SURF2: variants seen among roughly 807,000 people sequenced by gnomAD.
SURF2 encodes the protein surfeit locus protein 2.
SURF2 carries 32 observed loss-of-function variants against 26.2 expected under a neutral mutation model. The ratio of observed to expected loss-of-function variants is 1.22; its 90% CI spans 0.92 to 1.64. The LOEUF is 1.64. Among genes scored for constraint, SURF2 ranks in the 40% most tolerant of loss-of-function variants. The pLI, the probability that SURF2 is intolerant of heterozygous loss-of-function variation, is 0.00. For missense variants in SURF2, 415 were observed against 341.6 expected (o/e 1.21, Z -1.69); for synonymous variants, 173 against 139.1 (o/e 1.24, Z -1.71).
Position 133,357,792 on chromosome 9 carries a change from G to T in SURF2, c.315G>T (p.Arg105=), listed in dbSNP as rs2130036712. ...EHVLRHTQGR[R]YQRALCKYEE... ...TGCTGAGGCACACCCAGGGCCGGCG[G>T]TACCAGCGAGCTCTGTGTAAATGTA... The change falls in exon 3 of 6, where the codon CGG becomes CGT. Residue 105 remains arginine, a synonymous_variant. Coordinates refer to ENST00000371964, the MANE Select transcript of SURF2 (RefSeq NM_017503.5). The T allele has an allele frequency of 1.9e-6, 3 of 1,613,630 alleles. No individual in the cohort carries two copies. The highest frequency in any genetic ancestry group is 1.7e-6 in the Non-Finnish European group (2 of 1,180,022).
chr9:133,360,524 C>T (rs2130052775), intron 5 of SURF2, 90 bp downstream of exon 5: 36 of 1,398,396 alleles, frequency 2.6e-5, no homozygotes, highest in Non-Finnish European at 3.3e-5. Context: ...GAACCTTTTT[C>T]ACAAGTGAAA....
At chr9:133,358,481 G>A (rs898647561) in intron 3 of SURF2, among the ~76,000 whole-genome samples, 1 of 152,166 alleles carries the variant, frequency 6.6e-6, no homozygotes, top group African/African-American at 2.4e-5. Flanking sequence ...GTGTATTAGG[G>A]AAGTATCGGG....
At position 133,359,966 on chromosome 9, in the gene SURF2, G is replaced by A. The variant is rs2130045448; in HGVS notation, c.354G>A (p.Lys118=). The A allele has an allele frequency of 6.2e-7, 1 of 1,611,500 alleles. No individual in the cohort carries two copies. The change falls in exon 4 of 6, where the codon AAG becomes AAA. Residue 118 remains lysine, a synonymous_variant. Coordinates refer to ENST00000371964, the MANE Select transcript of SURF2 (RefSeq NM_017503.5). ...RALCKYEECQ[K]QGVEYVPACL... is the part of the protein sequence containing the mutation. ...ATCTCCCAGATGAAGAATGTCAGAA[G>A]CAAGGGGTGGAGTACGTGCCTGCCT... is the stretch of plus-strand genomic sequence containing the variant.
chr9:133,357,090 G>A, intron 2 of SURF2, 22 bp downstream of exon 2: 1 of 1,541,412 alleles, frequency 6.5e-7, no homozygotes, highest in Non-Finnish European at 8.8e-7. Context: ...GCGGCGGCGC[G>A]GGGAGGCCCA....
intron 5 of SURF2, 44 bp downstream of exon 5, chr9:133,360,478 A>G: frequency 6.6e-7 from 1 of 1,518,230 alleles, no homozygotes; most frequent in African/African-American, 1.4e-5. Context: ...GGCTTCCCCT[A>G]GTGATGGTTT....
chr9:133,360,476 CT>C, intron 5 of SURF2, 42 bp downstream of exon 5: 1 of 1,523,738 alleles, frequency 6.6e-7, no homozygotes, highest in African/African-American at 1.4e-5. Context: ...GTGGCTTCCC[CT>C]AGTGATGGTT....
At chr9:133,359,291 C>A (rs1015245097) in intron 3 of SURF2, among the ~76,000 whole-genome samples, 1 of 152,170 alleles carries the variant, frequency 6.6e-6, no homozygotes, top group African/African-American at 2.4e-5. Context: ...AGGGAAACAG[C>A]CCTGGAGATG....
chr9:133,356,557 C>T lies in SURF2; in HGVS notation c.-36C>T. 4.0e-6 allele frequency: 6 copies of T among 1,502,456 alleles called. No individual in the cohort carries two copies. The highest frequency in any genetic ancestry group is 1.2e-5 in the South Asian group (1 of 80,964). The allele number at this position is 1,502,456 out of a possible 1,614,324, so 93.1% of individuals were successfully genotyped here. ...CGCCCCCGGCTCCAGGTTCTGCGAG[C>T]GGCTTCCGCCGGGCTGCTCCGCGGG... is the stretch of plus-strand genomic sequence containing the variant. On this transcript the variant is annotated 5_prime_UTR_variant, in exon 1 of 6. Coordinates refer to ENST00000371964, the MANE Select transcript of SURF2 (RefSeq NM_017503.5).
At position 133,360,108 on chromosome 9, in the gene SURF2, A is replaced by G. The variant is rs2130047841; in HGVS notation, c.496A>G (p.Ser166Gly). 2 of 1,612,166 alleles carry G rather than the reference A, an allele frequency of 1.2e-6. No homozygotes were observed. The highest frequency in any genetic ancestry group is 1.7e-5 in the Admixed American group (1 of 59,938). Residue 166 changes from serine to glycine, a missense_variant, in exon 4 of 6, where the codon AGC becomes GGC. Ser to Gly is a moderately conservative substitution (Grantham distance 56, BLOSUM62 0). Transcript: ENST00000371964. ...SDEGGAASDD[S>G]MTDLYPPELF... is the part of the protein sequence containing the mutation. ...TGAGGGGGGAGCTGCAAGTGATGAC[A>G]GCATGACAGACCTGTACCCACGTAA...
rs2130047481 is a variant in SURF2 at position 133,360,083 on chromosome 9, T to C, written c.471T>C (p.Asp157=). The C allele has an allele frequency of 1.9e-5, 30 of 1,613,732 alleles. No individual in the cohort carries two copies. The highest frequency in any genetic ancestry group is 2.1e-5 in the Non-Finnish European group (25 of 1,179,814). The part of the protein sequence containing the change: ...REAFWEPTSS[D]EGGAASDDSM... Reference sequence around the variant, plus strand: ...CCTTCTGGGAGCCCACATCCAGTGATGAGGGGGGAGCTGCAAGTGATGACA... The same window carrying C: ...CCTTCTGGGAGCCCACATCCAGTGACGAGGGGGGAGCTGCAAGTGATGACA... The change falls in exon 4 of 6, where the codon GAT becomes GAC. Residue 157 remains aspartate, a synonymous_variant. Transcript: ENST00000371964.
rs1836717999 is a variant in SURF2, at chr9:133,360,065, G to A, written c.453G>A (p.Trp151Ter). Reference sequence around the variant, plus strand: ...GGCCTCGCCCGCGGGAAGCCTTCTGGGAGCCCACATCCAGTGATGAGGGGG... The same window carrying A: ...GGCCTCGCCCGCGGGAAGCCTTCTGAGAGCCCACATCCAGTGATGAGGGGG... ...GDGPRPREAF[W>*]EPTSSDEGGA... The change falls in exon 4 of 6, where the codon TGG becomes TGA. Residue 151 changes from tryptophan to a stop codon, truncating the protein, a stop_gained. Transcript: ENST00000371964. LOFTEE classifies it high-confidence loss of function. 6.2e-7 allele frequency: 1 copy of A among 1,613,940 alleles called. No homozygotes were observed. The highest frequency in any genetic ancestry group is 8.5e-7 in the Non-Finnish European group (1 of 1,179,970).
At position 133,360,085 on chromosome 9, in the gene SURF2, A is replaced by AG. The variant is rs2130047568; in HGVS notation, c.479dup (p.Ala161SerfsTer4). ...TTCTGGGAGCCCACATCCAGTGATG[A>AG]GGGGGGAGCTGCAAGTGATGACAGC... On this transcript the variant is annotated frameshift_variant, in exon 4 of 6. Coordinates refer to ENST00000371964, the MANE Select transcript of SURF2 (RefSeq NM_017503.5). LOFTEE classifies it high-confidence loss of function. 13 of 1,613,614 alleles carry AG rather than the reference A, an allele frequency of 8.1e-6. No homozygotes were observed. Among genetic ancestry groups the AG allele is most frequent in the South Asian group, 4.4e-5 (4 of 91,026 alleles).
Position 133,360,404 on chromosome 9 carries a change from G to A in SURF2, c.657G>A (p.Val219=), listed in dbSNP as rs1336057008. ...ATGAGGGCAGGAGAGAGACGACCGTGTACCGAGGGCTGGTCCAGAAGCGCG... is the reference window on the plus strand; with the variant it reads ...ATGAGGGCAGGAGAGAGACGACCGTATACCGAGGGCTGGTCCAGAAGCGCG... ...ATDEGRRETT[V]YRGLVQKRGK... is the part of the protein sequence containing the mutation. The change falls in exon 5 of 6, where the codon GTG becomes GTA. Residue 219 remains valine, a synonymous_variant. Transcript: ENST00000371964. 4 of 1,612,040 alleles carry A rather than the reference G, an allele frequency of 2.5e-6. No individual in the cohort carries two copies. The highest frequency in any genetic ancestry group is 1.1e-5 in the South Asian group (1 of 91,008).
At position 133,356,937 on chromosome 9, in the gene SURF2, C is replaced by A. The variant is rs2130031324; in HGVS notation, c.102C>A (p.His34Gln). Residue 34 changes from histidine to glutamine, a missense_variant, in exon 2 of 6, where the codon CAC (histidine) becomes CAA (glutamine). Transcript: ENST00000371964. ...AGGTGAGGTGCATCCTGACAGGTCA[C>A]GAGCTGCCCTGCCGCCTGCCGGAGC... Reference protein sequence around the residue: ...ARKVRCILTGHELPCRLPELQ... With the variant: ...ARKVRCILTGQELPCRLPELQ... 6.4e-7 allele frequency: 1 copy of A among 1,564,742 alleles called. No individual in the cohort carries two copies. Among genetic ancestry groups the A allele is most frequent in the Non-Finnish European group, 8.7e-7 (1 of 1,155,280 alleles).
Position 133,357,760 on chromosome 9 carries a change from G to C in SURF2, c.283G>C (p.Glu95Gln), listed in dbSNP as rs1017730333. 73 of 1,613,688 alleles carry C rather than the reference G, an allele frequency of 4.5e-5. No individual in the cohort carries two copies. Among genetic ancestry groups the C allele is most frequent in the Non-Finnish European group, 5.9e-5 (70 of 1,180,042 alleles). ...CCTGCGGCACATCAACAAGTGCCCA[G>C]AACACGTGCTGAGGCACACCCAGGG... ...LTLRHINKCPEHVLRHTQGRR... is the reference protein window; with the variant it reads ...LTLRHINKCPQHVLRHTQGRR... Residue 95 changes from glutamate to glutamine, a missense_variant, in exon 3 of 6, where the codon GAA becomes CAA. Coordinates refer to ENST00000371964, the MANE Select transcript of SURF2 (RefSeq NM_017503.5).
Position 133,358,473 on chromosome 9 carries a change from G to A in SURF2, c.337+659G>A, listed in dbSNP as rs2130039864. ...GCTTGAGCTGTATTAGGAAAGGTGT[G>A]TATTAGGGAAGTATCGGGCTTTTGA... On this transcript the variant is annotated intron_variant, in intron 3 of 5. Coordinates refer to ENST00000371964, the MANE Select transcript of SURF2 (RefSeq NM_017503.5). 1.6e-4 allele frequency among the ~76,000 whole-genome samples: 24 copies of A among 152,314 alleles called. No individual in the cohort carries two copies. In the South Asian group the frequency reaches 3.7e-3, roughly 24 times the overall value.
Position 133,360,258 on chromosome 9 carries a change from C to T in SURF2, c.518-7C>T, listed in dbSNP as rs2130049454. On this transcript the variant is annotated splice_polypyrimidine_tract_variant and splice_region_variant and intron_variant, in intron 4 of 5. Transcript: ENST00000371964. The stretch of plus-strand genomic sequence containing the variant: ...TAACTGTCAGCCAATCCCTGTGTTC[C>T]TCCCAGCTGAGCTATTCACCAGAAA... 6 of 1,612,744 alleles carry T rather than the reference C, an allele frequency of 3.7e-6. No individual in the cohort carries two copies. The African/African-American group carries it at 4.0e-5, about 11-fold the overall frequency.
chr9:133,360,419 C>T lies in SURF2; in HGVS notation c.672C>T (p.Val224=), dbSNP rs2130051580. 1.9e-6 allele frequency: 3 copies of T among 1,609,390 alleles called. No homozygotes were observed. The East Asian group carries it at 6.7e-5, about 36-fold the overall frequency. ...AGACGACCGTGTACCGAGGGCTGGT[C>T]CAGAAGCGCGGGAAGGTGAGCTGTC... ...RRETTVYRGL[V]QKRGKKQLGS... The change falls in exon 5 of 6, where the codon GTC becomes GTT. Residue 224 remains valine, a synonymous_variant. Transcript: ENST00000371964.
chr9:133,357,284 C>G (rs1025983243), intron 2 of SURF2: 42 of 552,058 alleles, frequency 7.6e-5, no homozygotes, highest in Non-Finnish European at 1.0e-4. Context: ...GTGGCTGCTT[C>G]CCAGATGAGT....
Sources: gnomAD v4.1 joint callset for allele counts (sites outside exome capture counted in the v4.1 genomes callset) on GRCh38, gnomAD v4.1.1 for gene constraint, MANE v1.5 for transcripts, NCBI Gene and HGNC (gene_info 2026-07-23, HGNC 2026-07-21) for gene names.